Variants in UNC13A observed in about 807,000 individuals in gnomAD.
UNC13A encodes the protein unc-13 homolog A.
Under a neutral mutation model 219.7 loss-of-function variants are expected in UNC13A, and 61 were observed. That is an observed-to-expected ratio of 0.28 (90% CI 0.23 to 0.34). The LOEUF is 0.34. Ranked by LOEUF, UNC13A falls within the 10% of genes least tolerant of loss-of-function variation. The probability of loss-of-function intolerance (pLI) is 1.00; values close to 1 mark genes in which losing one functional copy is unlikely to be tolerated. For synonymous variants in UNC13A, 920 were observed against 884.6 expected (o/e 1.04, Z -0.71); for missense variants, 1,476 against 2,270.3 (o/e 0.65, Z 7.11).
At chr19:17,666,880 ACGAG>A (rs1175165854) in intron 6 of UNC13A, among the ~76,000 whole-genome samples, 176 bp from the exon 7 acceptor site, 1 of 41,840 alleles carries the variant, frequency 2.4e-5, no homozygotes, top group African/African-American at 1.3e-4. Context: ...ACACACACAC[ACGAG>A]AGAGAGAGAG....
intron 10 of UNC13A, 93 bp downstream of exon 10, chr19:17,655,790 G>A (rs914664839): frequency 2.1e-6 from 3 of 1,428,744 alleles, no homozygotes; most frequent in African/African-American, 2.9e-5. Flanking sequence ...TTCAGCCCCA[G>A]CAACTTCCCA....
At chr19:17,677,322 A>C (rs1379958515) in intron 1 of UNC13A, among the ~76,000 whole-genome samples, 1 of 144,462 alleles carries the variant, frequency 6.9e-6, no homozygotes, top group African/African-American at 2.5e-5. Flanking sequence ...CTTCTCCCAC[A>C]CTGAGCTCTT....
chr19:17,638,488 A>G (rs1272271365), intron 25 of UNC13A, among the ~76,000 whole-genome samples: 1 of 151,224 alleles, frequency 6.6e-6, no homozygotes, highest in Non-Finnish European at 1.5e-5. Flanking sequence ...AATAAATTCA[A>G]TTCAACTCAA....
chr19:17,652,506 G>T, intron 12 of UNC13A, 125 bp downstream of exon 12: 1 of 1,212,924 alleles, frequency 8.2e-7, no homozygotes, highest in Non-Finnish European at 1.2e-6. Context: ...TTTTGCCCAA[G>T]CTCAATCTGT....
At position 17,602,006 on chromosome 19, in the gene UNC13A, G is replaced by A. The variant is rs2076469330; in HGVS notation, c.*4048C>T. On this transcript the variant is annotated 3_prime_UTR_variant, in exon 44 of 44. Transcript: ENST00000519716. ...ATCTGCAAAATCGACAGCACATGGG[G>A]TAGGGGTAGGGGACAGAAAGGCTCT... 1 of 152,548 alleles carries A rather than the reference G, an allele frequency of 6.6e-6. No individual in the cohort carries two copies. Among genetic ancestry groups the A allele is most frequent in the South Asian group, 2.1e-4 (1 of 4,828 alleles). 9.4% of individuals were successfully genotyped at this position (152,548 alleles called of 1,614,324 possible).
chr19:17,659,384 T>C (rs2079513604), intron 8 of UNC13A, among the ~76,000 whole-genome samples: 4 of 151,950 alleles, frequency 2.6e-5, no homozygotes, highest in Admixed American at 6.6e-5. Context: ...TGGAGATTGC[T>C]GTGAGCCAAG....
chr19:17,674,592 T>C lies in UNC13A; in HGVS notation c.152+65A>G. 2 of 1,478,618 alleles carry C rather than the reference T, an allele frequency of 1.4e-6. No individual in the cohort carries two copies. Among genetic ancestry groups the C allele is most frequent in the Non-Finnish European group, 1.9e-6 (2 of 1,063,072 alleles). 91.6% of individuals were successfully genotyped at this position (1,478,618 alleles called of 1,614,324 possible). A position where few individuals can be genotyped will look rare whatever the true frequency, so the allele number is the denominator to read the frequency against. On this transcript the variant is annotated intron_variant, in intron 3 of 43. Transcript: ENST00000519716. The surrounding 1 kb of genome is among the most constrained non-coding windows in gnomAD (Gnocchi z 5.0). Reference sequence around the variant, plus strand: ...GATTCCCCAGTGTCCAGCTCTGCCCTGAGGGGCCAGCGAGGTGCTGGGCTA... The same window carrying C: ...GATTCCCCAGTGTCCAGCTCTGCCCCGAGGGGCCAGCGAGGTGCTGGGCTA...
intron 21 of UNC13A, 96 bp downstream of exon 21, chr19:17,641,297 T>G: frequency 6.7e-7 from 1 of 1,496,652 alleles, no homozygotes; most frequent in Non-Finnish European, 9.1e-7. Flanking sequence ...ACTTCCTCTC[T>G]GGGTCTTCCC....
At chr19:17,612,437 G>T (rs1007052789) in intron 41 of UNC13A, among the ~76,000 whole-genome samples, 22 of 152,118 alleles carry the variant, frequency 1.4e-4, no homozygotes, top group Non-Finnish European at 2.9e-4. Flanking sequence ...TCTTTTCCCT[G>T]TATCCTACAC....
At chr19:17,647,941 C>G (rs1437717446) in intron 16 of UNC13A, among the ~76,000 whole-genome samples, 1 of 149,478 alleles carries the variant, frequency 6.7e-6, no homozygotes, top group Non-Finnish European at 1.5e-5. Context: ...GAGTCCCCTC[C>G]ACATTCCTGA....
chr19:17,638,463 A>G (rs1196917337), intron 25 of UNC13A, among the ~76,000 whole-genome samples: 1 of 150,118 alleles, frequency 6.7e-6, no homozygotes, highest in Admixed American at 6.7e-5. Context: ...GCAAGACCCC[A>G]TCTCAAAATA....
At chr19:17,655,836 T>C in intron 10 of UNC13A, 47 bp downstream of exon 10, 1 of 1,473,234 alleles carries the variant, frequency 6.8e-7, no homozygotes, top group Admixed American at 2.7e-5. Context: ...CTGCTGACCC[T>C]GTGACCTTGT....
Position 17,617,720 on chromosome 19 carries a change from G to C in UNC13A, c.4540C>G (p.Gln1514Glu). 1.2e-6 allele frequency: 2 copies of C among 1,613,994 alleles called. No homozygotes were observed. Among genetic ancestry groups the C allele is most frequent in the Non-Finnish European group, 1.7e-6 (2 of 1,179,858 alleles). ...ATDLLIKTFV[Q>E]TQSAQGLGVE... ...CCCTTACCCTGGGCCGATTGCGTCT[G>C]TACAAAGGTCTTGATTAGCAGGTCG... Residue 1514 changes from glutamine (Q) to glutamate (E), a missense_variant, in exon 41 of 44, where the codon CAG (glutamine) becomes GAG (glutamate). Transcript: ENST00000519716.
At chr19:17,657,191 C>T (rs2079472484) in intron 9 of UNC13A, among the ~76,000 whole-genome samples, 1 of 152,116 alleles carries the variant, frequency 6.6e-6, no homozygotes, top group South Asian at 2.1e-4. Context: ...CTGTGCTAGC[C>T]CTGTGTGGCC....
In UNC13A at chr19:17,605,843, C is replaced by T; in HGVS notation, c.*211G>A. ...GGATGTGGCTCCTTCCTTCGTCGCG[C>T]CCTTGGGCGTGGCCTCCCGAGAGGG... On this transcript the variant is annotated 3_prime_UTR_variant, in exon 44 of 44. Coordinates refer to ENST00000519716, the MANE Select transcript of UNC13A (RefSeq NM_001080421.3). 4.1e-6 allele frequency: 2 copies of T among 490,862 alleles called. No homozygotes were observed. Among genetic ancestry groups the T allele is most frequent in the Non-Finnish European group, 6.8e-6 (2 of 294,370 alleles). 30.4% of individuals were successfully genotyped at this position (490,862 alleles called of 1,614,324 possible).
intron 43 of UNC13A, among the ~76,000 whole-genome samples, chr19:17,608,368 TTA>T (rs1021049921): frequency 1.8e-5 from 2 of 112,178 alleles, no homozygotes; most frequent in Admixed American, 1.1e-4. Flanking sequence ...TAAATATATA[TTA>T]TATATGTATA....
chr19:17,653,480 TG>T (rs2079390704), intron 11 of UNC13A, among the ~76,000 whole-genome samples: 1 of 151,914 alleles, frequency 6.6e-6, no homozygotes, highest in African/African-American at 2.4e-5. Context: ...TCCTAGTAGC[TG>T]GGATTACAGG....
chr19:17,647,258 C>G lies in UNC13A; in HGVS notation c.2044+7G>C. On this transcript the variant is annotated splice_region_variant and intron_variant, in intron 17 of 43. Coordinates refer to ENST00000519716, the MANE Select transcript of UNC13A (RefSeq NM_001080421.3). ...GAGGGGCCCTATGGCGGCCCACGCC[C>G]CCTCACCGGTGATGCTGATCTTGGC... 2 of 1,563,394 alleles carry G rather than the reference C, an allele frequency of 1.3e-6. No individual in the cohort carries two copies. The highest frequency in any genetic ancestry group is 1.7e-6 in the Non-Finnish European group (2 of 1,154,354).
chr19:17,653,076 T>A (rs576981632), intron 11 of UNC13A, among the ~76,000 whole-genome samples: 86 of 152,052 alleles, frequency 5.7e-4, no homozygotes, highest in African/African-American at 2.0e-3. Flanking sequence ...AGACGTGGGG[T>A]CCACAGCCCC....
Sources: gnomAD v4.1 joint callset for allele counts (sites outside exome capture counted in the v4.1 genomes callset) on GRCh38, gnomAD v4.1.1 for gene constraint, Gnocchi (gnomAD v3.1) non-coding constraint, MANE v1.5 for transcripts, NCBI Gene and HGNC (gene_info 2026-07-23, HGNC 2026-07-21) for gene names.